The following NOTCH4 variants were observed in gnomAD, a reference collection of about 807,000 sequenced individuals.
The protein encoded by NOTCH4 is neurogenic locus notch homolog protein 4.
Under a neutral mutation model 189.0 loss-of-function variants are expected in NOTCH4, and 138 were observed. The observed-to-expected ratio is 0.73, with a 90% CI of 0.64 to 0.84. The LOEUF (loss-of-function observed/expected upper bound fraction) is 0.84. Ranked by LOEUF, NOTCH4 falls within the 40% of genes least tolerant of loss-of-function variation. The probability of loss-of-function intolerance (pLI) is 0.00; values close to 1 mark genes in which losing one functional copy is unlikely to be tolerated. For missense variants in NOTCH4, 2,286 were observed against 2,605.4 expected, an observed-to-expected ratio of 0.88 and a Z score of 2.67; for synonymous variants, 942 against 1,032.8, an observed-to-expected ratio of 0.91 and a Z score of 1.69.
In NOTCH4 at chr6:32,201,128, G is replaced by A. The variant is rs1380351251; in HGVS notation, c.4128C>T (p.Ser1376=). ...ACCTAGCTTCTTACCCAGCACTGAG[G>A]GAGTCGGTCTCCTTGCCCAGGGGCT... ...QTQPLGKETD[S]LSAGFVVVMG... is the part of the protein sequence containing the mutation. Residue 1376 remains serine (S), a synonymous_variant, in exon 22 of 30, where the codon TCC becomes TCT. Transcript: ENST00000375023. The surrounding 1 kb of genome is among the most constrained non-coding windows in gnomAD (Gnocchi z 5.5). 3.7e-6 allele frequency: 6 copies of A among 1,610,680 alleles called. No homozygotes were observed. Among genetic ancestry groups the A allele is most frequent in the Admixed American group, 1.7e-5 (1 of 59,826 alleles).
rs1489519764 is a variant in NOTCH4, at chr6:32,217,651, C to T, written c.1624+344G>A. The stretch of plus-strand genomic sequence containing the variant: ...TAATAGCAGGGGACAGAGGAGTGTC[C>T]GGTGAGGCTGGAGAAGAAAGGCTTG... On this transcript the variant is annotated intron_variant, in intron 9 of 29. Transcript: ENST00000375023. The surrounding 1 kb of genome is among the most constrained non-coding windows in gnomAD (Gnocchi z 4.2). Among the ~76,000 whole-genome samples the T allele has an allele frequency of 2.0e-5, 3 of 151,992 alleles. No homozygotes were observed. The highest frequency in any genetic ancestry group is 4.8e-5 in the African/African-American group (2 of 41,368).
rs1788015133 is a variant in NOTCH4 at position 32,197,388 on chromosome 6, CAAG to C, written c.4960_4962del (p.Leu1654del). 1 of 1,540,426 alleles carries C rather than the reference CAAG, an allele frequency of 6.5e-7. No individual in the cohort carries two copies. The highest frequency in any genetic ancestry group is 1.4e-5 in the African/African-American group (1 of 72,686). On this transcript the variant is annotated inframe_deletion, in exon 27 of 30. Transcript: ENST00000375023. ...GGCTGGTTGGGGTTGGCTCCAGCCT[CAAG>C]GAGGCGGCGGGCAGCGGTTGGCCGG... is the stretch of plus-strand genomic sequence containing the variant.
Position 32,201,355 on chromosome 6 carries a change from C to T in NOTCH4, c.3901G>A (p.Val1301Met). Residue 1301 changes from valine to methionine, a missense_variant, in exon 22 of 30, where the codon GTG becomes ATG. This residue lies in a region of NOTCH4 where 1,903 missense variants were observed against 2,261.9 expected (regional missense o/e 0.84). Coordinates refer to ENST00000375023, the MANE Select transcript of NOTCH4 (RefSeq NM_004557.4). The surrounding 1 kb of genome is among the most constrained non-coding windows in gnomAD (Gnocchi z 5.5). Reference sequence around the variant, plus strand: ...TCTAGGGCTGGGGGGCTCAGTACCACCAGCAGGGCCAGGGAGGGCCCCCAC... The same window carrying T: ...TCTAGGGCTGGGGGGCTCAGTACCATCAGCAGGGCCAGGGAGGGCCCCCAC... ...PEWGPSLALLVVLSPPALDQQ... is the reference protein window; with the variant it reads ...PEWGPSLALLMVLSPPALDQQ... 6.2e-7 allele frequency: 1 copy of T among 1,605,698 alleles called. No homozygotes were observed. The highest frequency in any genetic ancestry group is 8.5e-7 in the Non-Finnish European group (1 of 1,175,892).
chr6:32,219,264 G>A (rs915249908), intron 8 of NOTCH4, among the ~76,000 whole-genome samples: 1 of 152,186 alleles, frequency 6.6e-6, no homozygotes, highest in Non-Finnish European at 1.5e-5. Flanking sequence ...AAAGGCTGCA[G>A]CACAGAAAGT....
Position 32,223,912 on chromosome 6 carries a change from AGTGAAGGGG to A in NOTCH4, c.8_16del (p.Pro3_Ser5del), listed in dbSNP as rs759513790. The stretch of plus-strand genomic sequence containing the variant: ...CAGCAGCAGCAGCAGCAGCAGCAGC[AGTGAAGGGG>A]GCTGCATTCCACAGCCCCTTCTCCA... On this transcript the variant is annotated inframe_deletion, in exon 1 of 30. Transcript: ENST00000375023. 6.3e-7 allele frequency: 1 copy of A among 1,589,254 alleles called. No homozygotes were observed.
chr6:32,223,050 T>C lies in NOTCH4; in HGVS notation c.110A>G (p.Asn37Ser), dbSNP rs1582830282. 6.2e-7 allele frequency: 1 copy of C among 1,613,868 alleles called. No individual in the cohort carries two copies. Among genetic ancestry groups the C allele is most frequent in the Non-Finnish European group, 8.5e-7 (1 of 1,179,912 alleles). ...LCGSFPEPCA[N>S]GGTCLSLSLG... ...AGACAGGCTCAGGCAGGTGCCTCCATTGGCACAGGGTTCTGGGAAACTCCC... is the reference window on the plus strand; with the variant it reads ...AGACAGGCTCAGGCAGGTGCCTCCACTGGCACAGGGTTCTGGGAAACTCCC... Residue 37 changes from asparagine to serine, a missense_variant, in exon 2 of 30, where the codon AAT becomes AGT. This residue lies in a region of NOTCH4 where 1,903 missense variants were observed against 2,261.9 expected (regional missense o/e 0.84). Coordinates refer to ENST00000375023, the MANE Select transcript of NOTCH4 (RefSeq NM_004557.4).
chr6:32,223,963 C>T lies in NOTCH4; in HGVS notation c.-35G>A. ...CCTTCTCCAAGCCCCGGTCCCTGTC[C>T]CTCTTCAGGCAGGGACCCTCAGAGC... On this transcript the variant is annotated 5_prime_UTR_variant, in exon 1 of 30. Coordinates refer to ENST00000375023, the MANE Select transcript of NOTCH4 (RefSeq NM_004557.4). 6.4e-7 allele frequency: 1 copy of T among 1,570,716 alleles called. No homozygotes were observed. The highest frequency in any genetic ancestry group is 8.6e-7 in the Non-Finnish European group (1 of 1,165,428).
chr6:32,216,088 G>A (rs112738191), intron 11 of NOTCH4: 8,057 of 149,238 alleles, frequency 0.054, 261 homozygotes, highest in African/African-American at 0.077. Context: ...GTGCAGTGGC[G>A]TGATCTCAGC....
In NOTCH4 at chr6:32,202,262, C is replaced by A; in HGVS notation, c.3569G>T (p.Gly1190Val). 6.3e-7 allele frequency: 1 copy of A among 1,583,332 alleles called. No individual in the cohort carries two copies. The highest frequency in any genetic ancestry group is 8.6e-7 in the Non-Finnish European group (1 of 1,159,878). ...GRSGDGACDA[G>V]CSGPGGNWDG... ...CCAGTTTCCTCCCGGGCCACTGCAG[C>A]CAGCATCGCAGGCCCCATCTCCACT... is the stretch of plus-strand genomic sequence containing the variant. The change falls in exon 21 of 30, where the codon GGC becomes GTC. Residue 1190 changes from glycine (G) to valine (V), a missense_variant. By Grantham distance (109) the Gly-to-Val change is moderately radical (BLOSUM62 -3). This residue lies in a region of NOTCH4 where 1,903 missense variants were observed against 2,261.9 expected (regional missense o/e 0.84). Transcript: ENST00000375023. This position sits in a 1 kb window ranked among gnomAD's most constrained non-coding sequence, Gnocchi z 5.7.
Position 32,217,235 on chromosome 6 carries a change from G to A in NOTCH4, c.1656C>T (p.Ile552=), listed in dbSNP as rs1310022272. 3.1e-6 allele frequency: 5 copies of A among 1,612,856 alleles called. No individual in the cohort carries two copies. The highest frequency in any genetic ancestry group is 2.2e-5 in the East Asian group (1 of 44,900). Residue 552 remains isoleucine, a synonymous_variant, in exon 10 of 30, where the codon ATC becomes ATT. Coordinates refer to ENST00000375023, the MANE Select transcript of NOTCH4 (RefSeq NM_004557.4). This position sits in a 1 kb window ranked among gnomAD's most constrained non-coding sequence, Gnocchi z 4.2. ...GFSGTRCEED[I]DECRSSPCAN... is the part of the protein sequence containing the mutation. ...CACAGGGAGAGCTTCTGCACTCATC[G>A]ATATCCTCCTCACATCGGGTGCCGG...
In NOTCH4 at chr6:32,199,098, C is replaced by T; in HGVS notation, c.4363G>A (p.Ala1455Thr). 1.2e-6 allele frequency: 2 copies of T among 1,612,016 alleles called. No homozygotes were observed. Among genetic ancestry groups the T allele is most frequent in the Non-Finnish European group, 1.7e-6 (2 of 1,179,596 alleles). Reference protein sequence around the residue: ...LPWPVLCSPVAGVILLALGAL... With the variant: ...LPWPVLCSPVTGVILLALGAL... ...CCTAGGGCCAGGAGAATCACCCCGG[C>T]CACTGGGGAGCACAGCACAGGCCAG... Residue 1455 changes from alanine to threonine, a missense_variant, in exon 24 of 30, where the codon GCC (alanine) becomes ACC (threonine). Ala to Thr is a moderately conservative substitution (Grantham distance 58). Around this residue, in one of 2 missense-constraint regions of NOTCH4, gnomAD observed 1,903 missense variants for 2,261.9 expected, o/e 0.84. Coordinates refer to ENST00000375023, the MANE Select transcript of NOTCH4 (RefSeq NM_004557.4). The surrounding 1 kb of genome is among the most constrained non-coding windows in gnomAD (Gnocchi z 4.9).
rs772531485 is a variant in NOTCH4 at position 32,195,546 on chromosome 6, G to A, written c.5903C>T (p.Pro1968Leu). ...CGGGGACGGAGTAAGGCAAGGAGGCGGGATCGGAATGTTGGAGGCAGAACC... is the reference window on the plus strand; with the variant it reads ...CGGGGACGGAGTAAGGCAAGGAGGCAGGATCGGAATGTTGGAGGCAGAACC... ...ACGSASNIPI[P>L]PPCLTPSPER... The change falls in exon 30 of 30, where the codon CCG becomes CTG. Residue 1968 changes from proline (P) to leucine (L), a missense_variant. This residue lies in a region of NOTCH4 where 383 missense variants were observed against 343.5 expected (regional missense o/e 1.11). Transcript: ENST00000375023. This position sits in a 1 kb window ranked among gnomAD's most constrained non-coding sequence, Gnocchi z 5.4. The A allele has an allele frequency of 6.2e-7, 1 of 1,612,992 alleles. No homozygotes were observed. Among genetic ancestry groups the A allele is most frequent in the Non-Finnish European group, 8.5e-7 (1 of 1,180,036 alleles).
intron 17 of NOTCH4, among the ~76,000 whole-genome samples, chr6:32,211,594 AAAATAAATAAATAAAT>A (rs55792395): frequency 0.056 from 7,737 of 137,214 alleles, 255 homozygotes; most frequent in African/African-American, 0.083. Context: ...CTCCATCTCA[AAAATAAATAAATAAAT>A]AAATAAATAA....
intron 11 of NOTCH4, 108 bp from the exon 12 acceptor site, chr6:32,215,493 C>T: frequency 9.0e-7 from 1 of 1,116,066 alleles, no homozygotes; most frequent in Non-Finnish European, 1.3e-6. Flanking sequence ...TTGCCTTACT[C>T]ACTCCCTATG....
chr6:32,201,950 T>G lies in NOTCH4; in HGVS notation c.3755+126A>C. ...GTCTTCGACCCCTGTTTAGTGATGGTTATTAGGGTGGAAACTCCCTGGAGC... is the reference window on the plus strand; with the variant it reads ...GTCTTCGACCCCTGTTTAGTGATGGGTATTAGGGTGGAAACTCCCTGGAGC... On this transcript the variant is annotated intron_variant, in intron 21 of 29. Transcript: ENST00000375023. The surrounding 1 kb of genome is among the most constrained non-coding windows in gnomAD (Gnocchi z 5.5). 1.1e-6 allele frequency: 1 copy of G among 874,438 alleles called. No individual in the cohort carries two copies. Among genetic ancestry groups the G allele is most frequent in the Non-Finnish European group, 1.6e-6 (1 of 632,768 alleles). 54.2% of individuals were successfully genotyped at this position (874,438 alleles called of 1,614,324 possible).
Position 32,202,192 on chromosome 6 carries a change from G to A in NOTCH4, c.3639C>T (p.Gly1213=), listed in dbSNP as rs1012758600. 4 of 1,528,012 alleles carry A rather than the reference G, an allele frequency of 2.6e-6. No individual in the cohort carries two copies. In the African/African-American group the frequency reaches 5.6e-5, roughly 21 times the overall value. 94.7% of individuals were successfully genotyped at this position (1,528,012 alleles called of 1,614,324 possible). ...GCCAGCACCGAGAGTGGGAGGGGCA[G>A]CCCTTCCAGGGGTCTGGGACTCCCA... ...CSLGVPDPWK[G]CPSHSRCWLL... The change falls in exon 21 of 30, where the codon GGC becomes GGT. Residue 1213 remains glycine (G), a synonymous_variant. Coordinates refer to ENST00000375023, the MANE Select transcript of NOTCH4 (RefSeq NM_004557.4). This position sits in a 1 kb window ranked among gnomAD's most constrained non-coding sequence, Gnocchi z 5.7.
Position 32,195,999 on chromosome 6 carries a change from G to C in NOTCH4, c.5450C>G (p.Thr1817Arg). Reference sequence around the variant, plus strand: ...TGGTGGCCCAGCCCCTTCCAGCAGCGTCAGCAGATCCCAGTGGTTACGTTG... The same window carrying C: ...TGGTGGCCCAGCCCCTTCCAGCAGCCTCAGCAGATCCCAGTGGTTACGTTG... Reference protein sequence around the residue: ...AHQRNHWDLLTLLEGAGPPEA... With the variant: ...AHQRNHWDLLRLLEGAGPPEA... Residue 1817 changes from threonine to arginine, a missense_variant, in exon 30 of 30, where the codon ACG becomes AGG. Coordinates refer to ENST00000375023, the MANE Select transcript of NOTCH4 (RefSeq NM_004557.4). This position sits in a 1 kb window ranked among gnomAD's most constrained non-coding sequence, Gnocchi z 5.4. 2 of 1,599,486 alleles carry C rather than the reference G, an allele frequency of 1.3e-6. No homozygotes were observed. Among genetic ancestry groups the C allele is most frequent in the Non-Finnish European group, 1.7e-6 (2 of 1,179,102 alleles).
At chr6:32,196,554 A>C in intron 28 of NOTCH4, 133 bp from the exon 29 acceptor site, 1 of 1,141,192 alleles carries the variant, frequency 8.8e-7, no homozygotes, top group Non-Finnish European at 1.2e-6. Context: ...AGCGTTGCCC[A>C]GGAGACCACC....
rs757736196 is a variant in NOTCH4, at chr6:32,215,303, G to A, written c.1944C>T (p.Asn648=). 6.2e-7 allele frequency: 1 copy of A among 1,608,494 alleles called. No homozygotes were observed. Among genetic ancestry groups the A allele is most frequent in the Non-Finnish European group, 8.5e-7 (1 of 1,178,428 alleles). Residue 648 remains asparagine (N), a synonymous_variant, in exon 12 of 30, where the codon AAC becomes AAT. Coordinates refer to ENST00000375023, the MANE Select transcript of NOTCH4 (RefSeq NM_004557.4). ...QICKDQKDKA[N]CLCPDGSPGC... ...CAGGGCTTCCATCAGGACAGAGGCA[G>A]TTGGCCTTGTCTTTCTGGTCCTTAC...
Sources: allele counts gnomAD v4.1 joint callset (sites outside exome capture counted in the v4.1 genomes callset), GRCh38; gene constraint gnomAD v4.1.1; regional missense constraint gnomAD v4.1.1; non-coding constraint Gnocchi (gnomAD v3.1); transcripts MANE v1.5; gene names NCBI Gene and HGNC (gene_info 2026-07-23, HGNC 2026-07-21).